ELP4: variants seen among roughly 807,000 people sequenced by gnomAD.
The protein encoded by ELP4 is elongator acetyltransferase complex subunit 4.
In ELP4, 51 loss-of-function variants were observed where a neutral mutation model predicts 48.9. That is an observed-to-expected ratio of 1.04 (90% CI 0.83 to 1.32). The LOEUF is 1.32. ELP4 is among the 40% of genes most tolerant of loss of function. The pLI is 0.00. For missense variants in ELP4, 519 were observed against 514.6 expected (o/e 1.01, Z -0.08); for synonymous variants, 210 against 189.2 (o/e 1.11, Z -0.90).
chr11:31,774,389 G>A (rs1948204577), intron 9 of ELP4, among the ~76,000 whole-genome samples: 1 of 152,086 alleles, frequency 6.6e-6, no homozygotes, highest in Non-Finnish European at 1.5e-5. Context: ...ATCTGCAAAG[G>A]TTGTCTGTCT....
intron 5 of ELP4, among the ~76,000 whole-genome samples, chr11:31,611,607 C>G (rs1957980772): frequency 6.6e-6 from 1 of 152,144 alleles, no homozygotes; most frequent in African/African-American, 2.4e-5. Context: ...AGTAAGTAAA[C>G]ATAATCATAT....
intron 7 of ELP4, among the ~76,000 whole-genome samples, chr11:31,638,314 G>T (rs1250715452): frequency 6.6e-6 from 1 of 151,570 alleles, no homozygotes; most frequent in Non-Finnish European, 1.5e-5. Flanking sequence ...AACAGTAGTT[G>T]GTAAACTATT....
At chr11:31,538,071 A>G (rs1956530574) in intron 2 of ELP4, among the ~76,000 whole-genome samples, 1 of 152,094 alleles carries the variant, frequency 6.6e-6, no homozygotes, top group Non-Finnish European at 1.5e-5. Flanking sequence ...ATTCATACAC[A>G]TATTTCGTTA....
intron 9 of ELP4, chr11:31,650,525 TTAAG>T (rs1945298045): frequency 8.5e-6 from 2 of 236,686 alleles, no homozygotes; most frequent in East Asian, 8.3e-5. Flanking sequence ...GCATATTTAA[TTAAG>T]TGTTAATGAG....
chr11:31,785,854 A>AT lies in ELP4; in HGVS notation c.*2338dup. ...TATGAAATATACACTCCATTAACAG[A>AT]TTTTTTTTAATTATCAGCTTGACTC... is the stretch of plus-strand genomic sequence containing the variant. On this transcript the variant is annotated 3_prime_UTR_variant, in exon 10 of 10. Transcript: ENST00000640961. 6 of 195,798 alleles carry AT rather than the reference A, an allele frequency of 3.1e-5. No individual in the cohort carries two copies. Among genetic ancestry groups the AT allele is most frequent in the Non-Finnish European group, 4.2e-5 (4 of 94,210 alleles). The allele number at this position is 195,798 out of a possible 1,614,324, so 12.1% of individuals were successfully genotyped here. A position where few individuals can be genotyped will look rare whatever the true frequency, so the allele number is the denominator to read the frequency against.
At chr11:31,691,180 G>C (rs748321365) in intron 9 of ELP4, among the ~76,000 whole-genome samples, 1 of 151,868 alleles carries the variant, frequency 6.6e-6, no homozygotes, top group Non-Finnish European at 1.5e-5. Flanking sequence ...TGGAAATTAA[G>C]GGGAAAAATG....
chr11:31,538,547 G>A (rs186043854), intron 2 of ELP4, among the ~76,000 whole-genome samples: 14 of 150,538 alleles, frequency 9.3e-5, no homozygotes, highest in African/African-American at 2.9e-4. Context: ...CATTTTTCCC[G>A]ATCTCAGAAG....
chr11:31,670,095 G>C (rs563776654), intron 9 of ELP4, among the ~76,000 whole-genome samples: 18 of 152,180 alleles, frequency 1.2e-4, no homozygotes, highest in African/African-American at 4.3e-4. Flanking sequence ...TGATGAGTTT[G>C]TTACTTGATG....
intron 5 of ELP4, among the ~76,000 whole-genome samples, chr11:31,614,557 G>T (rs1032941804): frequency 3.3e-5 from 5 of 152,124 alleles, no homozygotes; most frequent in African/African-American, 1.2e-4. Flanking sequence ...TAGCCAGAAA[G>T]TACCATCCCA....
intron 9 of ELP4, among the ~76,000 whole-genome samples, chr11:31,675,737 A>G (rs1174823750): frequency 6.6e-6 from 1 of 152,166 alleles, no homozygotes; most frequent in Non-Finnish European, 1.5e-5. Flanking sequence ...TAGTTATACA[A>G]TCTTTTTCAG....
At chr11:31,515,031 G>GTATATATATA (rs752573937) in intron 1 of ELP4, among the ~76,000 whole-genome samples, 1 of 115,544 alleles carries the variant, frequency 8.7e-6, no homozygotes, top group Non-Finnish European at 1.9e-5. Flanking sequence ...GTGTGTGTGT[G>GTATATATATA]TGTATATATA....
chr11:31,539,322 G>A (rs1423416561), intron 2 of ELP4, among the ~76,000 whole-genome samples: 3 of 152,080 alleles, frequency 2.0e-5, no homozygotes, highest in South Asian at 2.1e-4. Flanking sequence ...AAAATTAGCC[G>A]GGCCTGGTGG....
At chr11:31,621,460 A>G (rs998062873) in intron 5 of ELP4, among the ~76,000 whole-genome samples, 6 of 151,912 alleles carry the variant, frequency 3.9e-5, no homozygotes, top group African/African-American at 1.4e-4. Flanking sequence ...GACAACATAG[A>G]TTATCTAATG....
rs201806870 is a variant in ELP4, at chr11:31,615,040, T to C, written c.653+11133T>C. Among the ~76,000 whole-genome samples the C allele has an allele frequency of 2.6e-5, 4 of 152,102 alleles. No individual in the cohort carries two copies. The East Asian group carries it at 7.7e-4, about 29-fold the overall frequency. On this transcript the variant is annotated intron_variant, in intron 5 of 9. Coordinates refer to ENST00000640961, the MANE Select transcript of ELP4 (RefSeq NM_019040.5). ...CCTTTTACCAGTATGCCAGGTCAGA[T>C]GGTTGTATTGTTCTCCTCTAGAAGA... is the stretch of plus-strand genomic sequence containing the variant.
At chr11:31,753,453 A>G (rs921879282) in intron 9 of ELP4, among the ~76,000 whole-genome samples, 8 of 152,194 alleles carry the variant, frequency 5.3e-5, no homozygotes, top group Admixed American at 4.6e-4. Context: ...ATACCCATCA[A>G]ATTGGTATAT....
intron 9 of ELP4, among the ~76,000 whole-genome samples, chr11:31,707,633 C>T (rs1946661621): frequency 6.6e-6 from 1 of 152,054 alleles, no homozygotes; most frequent in East Asian, 1.9e-4. Flanking sequence ...TAAAAAATCA[C>T]CACAAACTTA....
chr11:31,636,704 A>T (rs528932569), intron 7 of ELP4, among the ~76,000 whole-genome samples: 1 of 152,080 alleles, frequency 6.6e-6, no homozygotes, highest in East Asian at 1.9e-4. Flanking sequence ...TTTGCATTTG[A>T]AATGTTTTAT....
intron 3 of ELP4, among the ~76,000 whole-genome samples, chr11:31,572,589 A>G (rs959537887): frequency 6.6e-6 from 1 of 152,220 alleles, no homozygotes; most frequent in East Asian, 1.9e-4. Flanking sequence ...ATATGTTTAT[A>G]GAGAGATTGT....
At chr11:31,733,029 A>G (rs893590081) in intron 9 of ELP4, among the ~76,000 whole-genome samples, 1 of 152,204 alleles carries the variant, frequency 6.6e-6, no homozygotes, top group African/African-American at 2.4e-5. Flanking sequence ...GTAAGGAAAC[A>G]GAGGACTTGA....
Sources: gnomAD v4.1 joint callset for allele counts (sites outside exome capture counted in the v4.1 genomes callset) on GRCh38, gnomAD v4.1.1 for gene constraint, MANE v1.5 for transcripts, NCBI Gene and HGNC (gene_info 2026-07-23, HGNC 2026-07-21) for gene names.